MAML3: variants seen among roughly 807,000 people sequenced by gnomAD.
The protein encoded by MAML3 is mastermind-like protein 3.
MAML3 carries 27 observed loss-of-function variants against 101.9 expected under a neutral mutation model. The ratio of observed to expected loss-of-function variants is 0.27; its 90% CI spans 0.20 to 0.37. The LOEUF (loss-of-function observed/expected upper bound fraction) is 0.37. Ranked by LOEUF, MAML3 falls within the 10% of genes least tolerant of loss-of-function variation. The probability of loss-of-function intolerance (pLI) is 1.00; values close to 1 mark genes in which losing one functional copy is unlikely to be tolerated. For synonymous variants in MAML3, 501 were observed against 555.9 expected (o/e 0.90, Z 1.39); for missense variants, 1,316 against 1,444.9 (o/e 0.91, Z 1.45).
At chr4:139,965,450 T>C (rs963509881) in intron 1 of MAML3, among the ~76,000 whole-genome samples, 13 of 152,212 alleles carry the variant, frequency 8.5e-5, no homozygotes, top group African/African-American at 2.9e-4. Flanking sequence ...CACCATGTTT[T>C]AAAATGTTCC....
chr4:139,765,898 G>A (rs1225552726), intron 2 of MAML3, among the ~76,000 whole-genome samples: 1 of 152,030 alleles, frequency 6.6e-6, no homozygotes, highest in African/African-American at 2.4e-5. Flanking sequence ...GAAGTGGGAG[G>A]ATTGCTTGAG....
chr4:140,000,359 C>G (rs1472808838), intron 1 of MAML3, among the ~76,000 whole-genome samples: 1 of 152,060 alleles, frequency 6.6e-6, no homozygotes, highest in Non-Finnish European at 1.5e-5. Context: ...CACAGCACTT[C>G]CTATGGCATG....
intron 1 of MAML3, among the ~76,000 whole-genome samples, chr4:140,082,297 A>C (rs145731447): frequency 6.6e-6 from 1 of 152,182 alleles, no homozygotes; most frequent in Non-Finnish European, 1.5e-5. Flanking sequence ...GGTCATCTCC[A>C]TATGTTCTCA....
At chr4:140,075,272 C>T (rs985772219) in intron 1 of MAML3, among the ~76,000 whole-genome samples, 3 of 152,088 alleles carry the variant, frequency 2.0e-5, no homozygotes, top group African/African-American at 7.2e-5. Flanking sequence ...ATGTCTCCTT[C>T]CAGTGTCAAG....
intron 1 of MAML3, among the ~76,000 whole-genome samples, chr4:140,128,933 A>G (rs1269043639): frequency 2.0e-5 from 3 of 152,162 alleles, no homozygotes; most frequent in Non-Finnish European, 4.4e-5. Flanking sequence ...TAGCATAGGT[A>G]GTCTTCCGAA....
At chr4:140,101,571 T>A (rs1728252705) in intron 1 of MAML3, among the ~76,000 whole-genome samples, 2 of 152,304 alleles carry the variant, frequency 1.3e-5, no homozygotes, top group South Asian at 4.1e-4. Context: ...GACCCTCCAT[T>A]TCAGTCTTTT....
At chr4:139,883,500 T>C (rs1323115040) in intron 2 of MAML3, among the ~76,000 whole-genome samples, 4 of 152,122 alleles carry the variant, frequency 2.6e-5, no homozygotes, top group African/African-American at 9.7e-5. Flanking sequence ...AAATCATGAT[T>C]TGTAATATAG....
intron 2 of MAML3, among the ~76,000 whole-genome samples, chr4:139,741,897 A>G (rs1729178594): frequency 6.6e-6 from 1 of 152,200 alleles, no homozygotes; most frequent in African/African-American, 2.4e-5. Flanking sequence ...AAAACGCCCT[A>G]TTGTCATTTC....
chr4:139,876,382 G>A (rs767596359), intron 2 of MAML3, among the ~76,000 whole-genome samples: 16 of 152,176 alleles, frequency 1.1e-4, no homozygotes, highest in Admixed American at 3.3e-4. Flanking sequence ...GCTTTGAGAG[G>A]GATGCAAGGG....
intron 1 of MAML3, among the ~76,000 whole-genome samples, chr4:140,100,353 T>A (rs1199915313): frequency 2.0e-5 from 3 of 152,202 alleles, no homozygotes; most frequent in African/African-American, 4.8e-5. Flanking sequence ...CCCCCTAGAC[T>A]CAGTTCCTCC....
chr4:140,081,875 A>G (rs1727866344), intron 1 of MAML3, among the ~76,000 whole-genome samples: 1 of 152,036 alleles, frequency 6.6e-6, no homozygotes, highest in Non-Finnish European at 1.5e-5. Flanking sequence ...TATTAGGTTT[A>G]TTTTCCTGAT....
At chr4:139,935,195 G>A (rs1733481040) in intron 1 of MAML3, among the ~76,000 whole-genome samples, 1 of 147,848 alleles carries the variant, frequency 6.8e-6, no homozygotes, top group Admixed American at 6.7e-5. Context: ...CAGTTACATG[G>A]CAACCATCAA....
intron 1 of MAML3, among the ~76,000 whole-genome samples, chr4:140,013,345 C>CT: frequency 6.6e-6 from 1 of 152,170 alleles, no homozygotes; most frequent in Non-Finnish European, 1.5e-5. Flanking sequence ...ATCTTCCTTA[C>CT]TTTTCCCTCA....
At chr4:139,790,216 C>CATATATATATATATATATATATAT (rs367675413) in intron 2 of MAML3, among the ~76,000 whole-genome samples, 17 of 110,216 alleles carry the variant, frequency 1.5e-4, no homozygotes, top group African/African-American at 5.9e-4. Flanking sequence ...ACCCTAGTGA[C>CATATATATATATATATATATATAT]ATATATATAT....
chr4:139,793,062 A>G (rs182369829), intron 2 of MAML3, among the ~76,000 whole-genome samples: 1 of 152,246 alleles, frequency 6.6e-6, no homozygotes, highest in Non-Finnish European at 1.5e-5. Context: ...GTTTTCTTTA[A>G]GAATGCTGAT....
chr4:139,905,491 CAAAA>C lies in MAML3; in HGVS notation c.469-14528_469-14525del, dbSNP rs57898254. ...CGGGCGGCAGAGCAAGACTCTGTCT[CAAAA>C]AAAAAAAAAAAAATCAGTTAAATCA... On this transcript the variant is annotated intron_variant, in intron 1 of 4. Coordinates refer to ENST00000509479, the MANE Select transcript of MAML3 (RefSeq NM_018717.5). 6.0e-3 allele frequency among the ~76,000 whole-genome samples: 483 copies of C among 79,966 alleles called. 9 individuals carry two copies. The highest frequency in any genetic ancestry group is 0.018 in the African/African-American group (465 of 26,338). The allele number at this position is 79,966 out of a possible 152,430, so 52.5% of individuals were successfully genotyped here.
intron 1 of MAML3, among the ~76,000 whole-genome samples, chr4:139,904,319 C>G (rs2111215830): frequency 6.6e-6 from 1 of 152,268 alleles, no homozygotes; most frequent in South Asian, 2.1e-4. Flanking sequence ...GGGTTTGGCT[C>G]TCAATTGATA....
At chr4:139,922,262 C>T (rs749765576) in intron 1 of MAML3, among the ~76,000 whole-genome samples, 1 of 152,134 alleles carries the variant, frequency 6.6e-6, no homozygotes, top group Non-Finnish European at 1.5e-5. Flanking sequence ...TGACAAACTA[C>T]CATCCTTCTT....
intron 1 of MAML3, among the ~76,000 whole-genome samples, chr4:139,895,030 T>C (rs1245024284): frequency 1.3e-5 from 2 of 152,222 alleles, no homozygotes; most frequent in African/African-American, 4.8e-5. Flanking sequence ...ATGCAATGAA[T>C]GGAGCAGGAC....
Sources: gnomAD v4.1 joint callset for allele counts (sites outside exome capture counted in the v4.1 genomes callset) on GRCh38, gnomAD v4.1.1 for gene constraint, MANE v1.5 for transcripts, NCBI Gene and HGNC (gene_info 2026-07-23, HGNC 2026-07-21) for gene names.